Variants in TRPC4 observed in about 807,000 individuals in gnomAD.
The protein encoded by TRPC4 is transient receptor potential cation channel subfamily C member 4.
TRPC4 carries 49 observed loss-of-function variants against 99.4 expected under a neutral mutation model. The observed-to-expected ratio is 0.49, with a 90% CI of 0.39 to 0.63. The LOEUF is 0.63. Among genes scored for constraint, TRPC4 ranks in the 20% least tolerant of loss-of-function variants. The pLI is 0.00. For synonymous variants in TRPC4, 454 were observed against 425.9 expected, an observed-to-expected ratio of 1.07 and a Z score of -0.81; for missense variants, 898 against 1,152.9, an observed-to-expected ratio of 0.78 and a Z score of 3.20.
intron 3 of TRPC4, among the ~76,000 whole-genome samples, chr13:37,724,933 C>G (rs1203106070): frequency 6.6e-6 from 1 of 152,042 alleles, no homozygotes. Context: ...GAAGTTGTTT[C>G]TGAGAAATAC....
At chr13:37,830,557 A>G (rs1958391925) in intron 1 of TRPC4, among the ~76,000 whole-genome samples, 1 of 151,574 alleles carries the variant, frequency 6.6e-6, no homozygotes, top group East Asian at 1.9e-4. Flanking sequence ...TACTAAAAAT[A>G]CAAAATTAGC....
At chr13:37,665,890 T>C (rs1952632393) in intron 5 of TRPC4, among the ~76,000 whole-genome samples, 1 of 151,706 alleles carries the variant, frequency 6.6e-6, no homozygotes, top group Non-Finnish European at 1.5e-5. Flanking sequence ...TTTCCATTTT[T>C]ACAGATTCTG....
intron 3 of TRPC4, among the ~76,000 whole-genome samples, chr13:37,741,884 C>A (rs1264672812): frequency 2.0e-5 from 3 of 149,432 alleles, no homozygotes; most frequent in African/African-American, 7.4e-5. Flanking sequence ...CAATATTTAA[C>A]AGAGTAACAC....
At chr13:37,725,463 A>G (rs1262953691) in intron 3 of TRPC4, among the ~76,000 whole-genome samples, 1 of 152,188 alleles carries the variant, frequency 6.6e-6, no homozygotes, top group African/African-American at 2.4e-5. Flanking sequence ...AGACAAAGGC[A>G]AAGAGAGAAT....
At chr13:37,649,752 A>C (rs796111809) in intron 8 of TRPC4, among the ~76,000 whole-genome samples, 1 of 137,700 alleles carries the variant, frequency 7.3e-6, no homozygotes, top group African/African-American at 2.6e-5. Context: ...AAAAAAAAAA[A>C]AAAAAAAACA....
intron 1 of TRPC4, among the ~76,000 whole-genome samples, chr13:37,808,321 A>G (rs1957584583): frequency 6.6e-6 from 1 of 152,060 alleles, no homozygotes; most frequent in African/African-American, 2.4e-5. Context: ...GTTTATTTTT[A>G]AATTTGGGGG....
intron 1 of TRPC4, among the ~76,000 whole-genome samples, chr13:37,849,973 C>T (rs1437472915): frequency 6.6e-6 from 1 of 152,180 alleles, no homozygotes; most frequent in Non-Finnish European, 1.5e-5. Flanking sequence ...TAACCATAAG[C>T]TGCAACAATA....
chr13:37,742,090 G>GCAGCAT (rs1419479187), intron 3 of TRPC4, among the ~76,000 whole-genome samples: 2 of 152,204 alleles, frequency 1.3e-5, no homozygotes, highest in Non-Finnish European at 2.9e-5. Context: ...CAGTACAATT[G>GCAGCAT]CAGCATCATT....
At chr13:37,745,251 A>G (rs1422667141) in intron 3 of TRPC4, among the ~76,000 whole-genome samples, 1 of 151,480 alleles carries the variant, frequency 6.6e-6, no homozygotes, top group Non-Finnish European at 1.5e-5. Flanking sequence ...GTGGATACCA[A>G]AATCCATGGC....
intron 1 of TRPC4, among the ~76,000 whole-genome samples, chr13:37,824,646 T>A (rs1303744636): frequency 3.3e-5 from 5 of 152,128 alleles, no homozygotes; most frequent in African/African-American, 1.2e-4. Flanking sequence ...GTGGATAAGC[T>A]TTTTGATGTG....
chr13:37,689,444 C>T (rs536665882), intron 4 of TRPC4, among the ~76,000 whole-genome samples: 3 of 152,226 alleles, frequency 2.0e-5, no homozygotes, highest in Admixed American at 1.3e-4. Flanking sequence ...TGACAGATCT[C>T]TTTGATATAT....
chr13:37,729,769 GTAAT>G (rs1955183702), intron 3 of TRPC4, among the ~76,000 whole-genome samples: 1 of 152,078 alleles, frequency 6.6e-6, no homozygotes, highest in South Asian at 2.1e-4. Context: ...TTTTTATGAG[GTAAT>G]TAGTCAAAAT....
At chr13:37,762,291 T>C (rs1392831430) in intron 2 of TRPC4, among the ~76,000 whole-genome samples, 1 of 151,864 alleles carries the variant, frequency 6.6e-6, no homozygotes, top group Non-Finnish European at 1.5e-5. Flanking sequence ...TGTTCAACCA[T>C]TGTGGAAGTC....
intron 3 of TRPC4, among the ~76,000 whole-genome samples, chr13:37,721,392 CA>C (rs1422332740): frequency 6.6e-6 from 1 of 152,020 alleles, no homozygotes; most frequent in Non-Finnish European, 1.5e-5. Context: ...AAGTGGCATT[CA>C]AAATATATTT....
chr13:37,713,946 G>T (rs1769160683), intron 3 of TRPC4, among the ~76,000 whole-genome samples: 2 of 151,960 alleles, frequency 1.3e-5, no homozygotes, highest in Admixed American at 1.3e-4. Context: ...AATTGCCTAG[G>T]TTTATCCCTA....
intron 1 of TRPC4, among the ~76,000 whole-genome samples, chr13:37,790,805 T>G (rs993950752): frequency 6.6e-6 from 1 of 152,130 alleles, no homozygotes; most frequent in Non-Finnish European, 1.5e-5. Flanking sequence ...TCTTTACCGT[T>G]GCAAGTTCTA....
intron 1 of TRPC4, among the ~76,000 whole-genome samples, chr13:37,839,678 C>G (rs1171229788): frequency 6.6e-6 from 1 of 152,076 alleles, no homozygotes; most frequent in Non-Finnish European, 1.5e-5. Flanking sequence ...CTGGGGATTA[C>G]AGATATTAGG....
intron 2 of TRPC4, among the ~76,000 whole-genome samples, chr13:37,762,358 C>T (rs540068583): frequency 5.9e-5 from 9 of 151,730 alleles, no homozygotes; most frequent in Non-Finnish European, 7.4e-5. Context: ...CCAGCCATCC[C>T]GTTACTGGTT....
intron 1 of TRPC4, among the ~76,000 whole-genome samples, chr13:37,786,718 T>TC (rs1164684976): frequency 2.0e-5 from 3 of 152,022 alleles, no homozygotes; most frequent in African/African-American, 4.8e-5. Flanking sequence ...AATGATTTCT[T>TC]CCCCCATGAG....
Sources: allele counts gnomAD v4.1 joint callset (sites outside exome capture counted in the v4.1 genomes callset), GRCh38; gene constraint gnomAD v4.1.1; transcripts MANE v1.5; gene names NCBI Gene and HGNC (gene_info 2026-07-23, HGNC 2026-07-21).